Variants in PCCA observed in about 807,000 individuals in gnomAD.
PCCA encodes the protein propionyl-CoA carboxylase subunit alpha.
Under a neutral mutation model 101.3 loss-of-function variants are expected in PCCA, and 74 were observed. The observed-to-expected ratio is 0.73, with a 90% CI of 0.61 to 0.89. The LOEUF is 0.89. Among genes scored for constraint, PCCA ranks in the 40% least tolerant of loss-of-function variants. The pLI is 0.00. For missense variants in PCCA, 891 were observed against 907.0 expected (o/e 0.98, Z 0.23); for synonymous variants, 294 against 313.6 (o/e 0.94, Z 0.66).
chr13:100,242,128 A>C (rs2061174652), intron 8 of PCCA, among the ~76,000 whole-genome samples: 1 of 152,180 alleles, frequency 6.6e-6, no homozygotes, highest in South Asian at 2.1e-4. Context: ...AGAGGGAAGA[A>C]TAGATTAAAA....
chr13:100,445,151 A>C (rs1045837457), intron 20 of PCCA, among the ~76,000 whole-genome samples: 4 of 152,156 alleles, frequency 2.6e-5, no homozygotes, highest in African/African-American at 4.8e-5. Context: ...TCTTTTAAAC[A>C]ACCAGCTTTC....
At chr13:100,212,475 A>T (rs2059275458) in intron 7 of PCCA, among the ~76,000 whole-genome samples, 1 of 152,200 alleles carries the variant, frequency 6.6e-6, no homozygotes, top group Non-Finnish European at 1.5e-5. Flanking sequence ...CCGCCTAGGA[A>T]GGTGGTGGCT....
intron 18 of PCCA, among the ~76,000 whole-genome samples, chr13:100,348,618 T>C (rs1315872307): frequency 2.0e-5 from 3 of 152,176 alleles, no homozygotes; most frequent in African/African-American, 7.2e-5. Context: ...ATAGTAAAGG[T>C]AACATTTTAA....
intron 21 of PCCA, among the ~76,000 whole-genome samples, chr13:100,458,806 C>T (rs2081979690): frequency 6.6e-6 from 1 of 152,158 alleles, no homozygotes; most frequent in Non-Finnish European, 1.5e-5. Context: ...CAGGACACCA[C>T]ATTCTCACCT....
intron 4 of PCCA, among the ~76,000 whole-genome samples, chr13:100,137,656 G>T (rs372490061): frequency 6.6e-6 from 1 of 151,946 alleles, no homozygotes; most frequent in Non-Finnish European, 1.5e-5. Context: ...AGGCATTCCA[G>T]CCTTTATTTG....
chr13:100,151,040 A>C, intron 4 of PCCA: 4 of 1,555,430 alleles, frequency 2.6e-6, no homozygotes, highest in Non-Finnish European at 3.5e-6. Flanking sequence ...AAGAAAGCGC[A>C]TGACATCAGA....
Position 100,268,708 on chromosome 13 carries a change from G to A in PCCA, c.839G>A (p.Gly280Glu). 6.2e-7 allele frequency: 1 copy of A among 1,613,568 alleles called. No individual in the cohort carries two copies. The highest frequency in any genetic ancestry group is 1.1e-5 in the South Asian group (1 of 91,070). ...TTTCAGGTTCTAGGTGATAAACATG[G>A]GAATGCTTTATGGCTTAATGAAAGA... ...IEIQVLGDKHGNALWLNEREC... is the reference protein window; with the variant it reads ...IEIQVLGDKHENALWLNEREC... The change falls in exon 11 of 24, where the codon GGG becomes GAG. Residue 280 changes from glycine (G) to glutamate (E), a missense_variant. Gly to Glu is a moderately conservative substitution (Grantham distance 98). Transcript: ENST00000376285.
chr13:100,179,945 G>T (rs1423649123), intron 6 of PCCA, among the ~76,000 whole-genome samples: 1 of 152,186 alleles, frequency 6.6e-6, no homozygotes, highest in East Asian at 1.9e-4. Flanking sequence ...TATAGAGATT[G>T]GATATAGAGA....
chr13:100,252,102 AT>A (rs1302180286), intron 8 of PCCA, among the ~76,000 whole-genome samples: 7 of 152,278 alleles, frequency 4.6e-5, no homozygotes, highest in Admixed American at 3.9e-4. Context: ...AGCAACTTTC[AT>A]CTGGGGATTT....
At chr13:100,248,384 C>T (rs1191824763) in intron 8 of PCCA, among the ~76,000 whole-genome samples, 3 of 152,056 alleles carry the variant, frequency 2.0e-5, no homozygotes, top group African/African-American at 4.8e-5. Flanking sequence ...TACTCTATTT[C>T]TATTGTTTCA....
At chr13:100,279,909 TAGAG>T (rs1481505443) in intron 12 of PCCA, among the ~76,000 whole-genome samples, 1 of 152,196 alleles carries the variant, frequency 6.6e-6, no homozygotes, top group Admixed American at 6.5e-5. Context: ...CAGTTTGAAC[TAGAG>T]GGCTATAATT....
chr13:100,361,933 C>A (rs1272542157), intron 18 of PCCA, among the ~76,000 whole-genome samples: 3 of 152,032 alleles, frequency 2.0e-5, no homozygotes, highest in African/African-American at 7.2e-5. Context: ...GGGGAAAAAG[C>A]AATCAAGTAC....
chr13:100,360,903 A>G (rs2074499632), intron 18 of PCCA, among the ~76,000 whole-genome samples: 4 of 152,226 alleles, frequency 2.6e-5, no homozygotes, highest in Admixed American at 2.0e-4. Context: ...CTGAGAAGCA[A>G]TGTCCTTCAG....
intron 6 of PCCA, among the ~76,000 whole-genome samples, chr13:100,203,425 C>T (rs1173917621): frequency 2.0e-5 from 3 of 152,078 alleles, no homozygotes; most frequent in Admixed American, 6.6e-5. Flanking sequence ...CATGGTGGCT[C>T]ACGCCTTTAA....
At chr13:100,382,539 C>T (rs2076286668) in intron 19 of PCCA, among the ~76,000 whole-genome samples, 1 of 152,108 alleles carries the variant, frequency 6.6e-6, no homozygotes, top group Non-Finnish European at 1.5e-5. Context: ...CACCTGTCTG[C>T]CTAGAATTTC....
chr13:100,367,262 C>A (rs1439558048), intron 18 of PCCA, among the ~76,000 whole-genome samples: 1 of 152,112 alleles, frequency 6.6e-6, no homozygotes, highest in East Asian at 1.9e-4. Context: ...CCATGTAATA[C>A]TGATAATATG....
chr13:100,525,512 G>C (rs2087724490), intron 22 of PCCA, among the ~76,000 whole-genome samples: 1 of 152,258 alleles, frequency 6.6e-6, no homozygotes, highest in Admixed American at 6.5e-5. Flanking sequence ...GAGTAGAGCT[G>C]TAGCCAGGTC....
intron 6 of PCCA, among the ~76,000 whole-genome samples, chr13:100,162,124 G>C (rs544422327): frequency 6.6e-6 from 1 of 151,648 alleles, no homozygotes; most frequent in Admixed American, 6.6e-5. Context: ...GTCTGTCTGC[G>C]TGTGCTAGAA....
intron 4 of PCCA, among the ~76,000 whole-genome samples, chr13:100,125,910 G>A (rs2049908092): frequency 6.6e-6 from 1 of 152,202 alleles, no homozygotes; most frequent in South Asian, 2.1e-4. Flanking sequence ...AGTAGCAGGA[G>A]GCTGAAGAGA....
Sources: gnomAD v4.1 joint callset for allele counts (sites outside exome capture counted in the v4.1 genomes callset) on GRCh38, gnomAD v4.1.1 for gene constraint, MANE v1.5 for transcripts, NCBI Gene and HGNC (gene_info 2026-07-23, HGNC 2026-07-21) for gene names.